Variants in RNASET2 observed in about 807,000 individuals in gnomAD.
RNASET2 encodes ribonuclease T2.
RNASET2 carries 28 observed loss-of-function variants against 33.9 expected under a neutral mutation model. That is an observed-to-expected ratio of 0.83 (90% CI 0.61 to 1.13). RNASET2 has a LOEUF of 1.13. Ranked by LOEUF, RNASET2 falls within the 50% of genes most tolerant of loss-of-function variation. The pLI is 0.00. For synonymous variants in RNASET2, 123 were observed against 121.0 expected (o/e 1.02, Z -0.11); for missense variants, 330 against 319.9 (o/e 1.03, Z -0.24).
chr6:166,930,588 C>T lies in RNASET2; in HGVS notation c.567+456G>A, dbSNP rs111210808. 6.7e-3 allele frequency among the ~76,000 whole-genome samples: 1,000 copies of T among 150,242 alleles called. 11 individuals carry two copies. The highest frequency in any genetic ancestry group is 0.024 in the African/African-American group (966 of 40,672). The stretch of plus-strand genomic sequence containing the variant: ...GAACATGCACACACATGCACACACA[C>T]AGCACATGCACACATGCATGTACAT... On this transcript the variant is annotated intron_variant, in intron 8 of 8. Coordinates refer to ENST00000508775, the MANE Select transcript of RNASET2 (RefSeq NM_003730.6).
intron 6 of RNASET2, chr6:166,938,596 G>A: frequency 1.5e-6 from 1 of 652,548 alleles, no homozygotes; most frequent in Non-Finnish European, 3.0e-6. Flanking sequence ...GGCTGAGAAC[G>A]GCACATGCTG....
intron 1 of RNASET2, chr6:166,955,624 C>CA (rs1193727653): frequency 8.0e-6 from 8 of 995,050 alleles, no homozygotes; most frequent in Non-Finnish European, 9.6e-6. Context: ...AGGCTGGGAG[C>CA]AGTCTGTGGG....
intron 7 of RNASET2, chr6:166,932,442 AG>A (rs1214474474): frequency 2.0e-5 from 3 of 151,498 alleles, no homozygotes; most frequent in African/African-American, 7.3e-5. Context: ...CATATCTCCC[AG>A]CCCCCAGCCC....
intron 3 of RNASET2, 83 bp downstream of exon 3, chr6:166,948,487 A>G (rs750685873): frequency 8.2e-6 from 7 of 857,308 alleles, no homozygotes. Context: ...AAAAACAAGA[A>G]TAAATATTAA....
At chr6:166,947,878 C>A (rs1253258927) in intron 3 of RNASET2, among the ~76,000 whole-genome samples, 2 of 152,098 alleles carry the variant, frequency 1.3e-5, no homozygotes, top group Non-Finnish European at 1.5e-5. Context: ...ATTAACTGAA[C>A]AAAACGCAGA....
chr6:166,951,454 G>A (rs758336385), intron 2 of RNASET2, among the ~76,000 whole-genome samples: 47 of 152,206 alleles, frequency 3.1e-4, no homozygotes, highest in South Asian at 2.1e-4. Flanking sequence ...GCTGAGTAAC[G>A]GGTGCCTTCC....
chr6:166,930,669 A>G (rs976586332), intron 8 of RNASET2, among the ~76,000 whole-genome samples: 1 of 151,504 alleles, frequency 6.6e-6, no homozygotes, highest in African/African-American at 2.4e-5. Flanking sequence ...GCACATGCGC[A>G]CATGTATACT....
Position 166,955,381 on chromosome 6 carries a change from G to GCA in RNASET2, c.86+714_86+715dup, listed in dbSNP as rs199506216. The GCA allele has an allele frequency of 5.3e-4, 134 of 250,644 alleles. 2 individuals carry two copies. In the East Asian group the frequency reaches 6.0e-3, roughly 11 times the overall value. 15.5% of individuals were successfully genotyped at this position (250,644 alleles called of 1,614,324 possible). On this transcript the variant is annotated intron_variant, in intron 1 of 8. Coordinates refer to ENST00000508775, the MANE Select transcript of RNASET2 (RefSeq NM_003730.6). ...CACACACGCACACACAAACGCACAC[G>GCA]CACACACACACACGCGCACACACAC...
At chr6:166,942,881 G>T in intron 5 of RNASET2, 138 bp downstream of exon 5, 1 of 710,324 alleles carries the variant, frequency 1.4e-6, no homozygotes, top group Admixed American at 2.2e-5. Flanking sequence ...TCTCATAAAA[G>T]GTTGTTCAAA....
chr6:166,930,554 TCACA>T (rs554668666), intron 8 of RNASET2, among the ~76,000 whole-genome samples: 13 of 140,108 alleles, frequency 9.3e-5, no homozygotes, highest in South Asian at 2.3e-4. Context: ...ACATGCATGT[TCACA>T]CAGAGAACAT....
At chr6:166,955,989 T>A in intron 1 of RNASET2, 108 bp downstream of exon 1, 2 of 1,137,344 alleles carry the variant, frequency 1.8e-6, no homozygotes, top group East Asian at 2.7e-5. Flanking sequence ...CCCCAGTCGC[T>A]GCCCGGGGCT....
intron 5 of RNASET2, among the ~76,000 whole-genome samples, chr6:166,941,185 T>TA (rs1778683332): frequency 6.6e-6 from 1 of 152,252 alleles, no homozygotes; most frequent in Non-Finnish European, 1.5e-5. Context: ...TTTAAGTGTG[T>TA]AATTCAACTA....
intron 1 of RNASET2, chr6:166,953,440 T>C (rs1779035553): frequency 6.6e-6 from 1 of 152,168 alleles, no homozygotes; most frequent in South Asian, 2.1e-4. Flanking sequence ...AAATCAAATT[T>C]TAGAAGGGAA....
In RNASET2 at chr6:166,943,147, T is replaced by C. The variant is rs1159471195; in HGVS notation, c.262-58A>G. ...GGTTCTTAATAATAAACTCAAAACC[T>C]AGAAGGTAAATTTGATAAACTGACA... is the stretch of plus-strand genomic sequence containing the variant. On this transcript the variant is annotated intron_variant, in intron 4 of 8. Coordinates refer to ENST00000508775, the MANE Select transcript of RNASET2 (RefSeq NM_003730.6). 3.1e-6 allele frequency: 4 copies of C among 1,297,890 alleles called. No homozygotes were observed. The African/African-American group carries it at 5.8e-5, about 19-fold the overall frequency. The allele number at this position is 1,297,890 out of a possible 1,614,324, so 80.4% of individuals were successfully genotyped here.
intron 3 of RNASET2, 137 bp downstream of exon 3, chr6:166,948,433 T>C (rs1778901251): frequency 2.8e-6 from 2 of 726,074 alleles, no homozygotes; most frequent in Non-Finnish European, 5.1e-6. Flanking sequence ...ACTAAAGATA[T>C]TTTTAAATAA....
rs934916857 is a variant in RNASET2, at chr6:166,929,608, G to A, written c.751C>T (p.Pro251Ser). ...GGGCATCAATGCTTGGTCTTTTTAG[G>A]TGGGGGATAGAAGACTGGGCCATCT... ...CEDGPVFYPP[P>S]KKTKH Residue 251 changes from proline to serine, a missense_variant, in exon 9 of 9, where the codon CCT becomes TCT. Coordinates refer to ENST00000508775, the MANE Select transcript of RNASET2 (RefSeq NM_003730.6). The A allele has an allele frequency of 1.2e-6, 2 of 1,614,102 alleles. No individual in the cohort carries two copies. The highest frequency in any genetic ancestry group is 1.7e-5 in the Admixed American group (1 of 60,004).
chr6:166,929,459 C>T lies in RNASET2; in HGVS notation c.*129G>A. ...TGCACTCACTCTACAGGGACCACAACATCCAATTCACAGGCATGGAGGGGA... is the reference window on the plus strand; with the variant it reads ...TGCACTCACTCTACAGGGACCACAATATCCAATTCACAGGCATGGAGGGGA... On this transcript the variant is annotated 3_prime_UTR_variant, in exon 9 of 9. Coordinates refer to ENST00000508775, the MANE Select transcript of RNASET2 (RefSeq NM_003730.6). The T allele has an allele frequency of 1.0e-6, 1 of 973,988 alleles. No homozygotes were observed. Among genetic ancestry groups the T allele is most frequent in the Non-Finnish European group, 1.6e-6 (1 of 613,720 alleles). The allele number at this position is 973,988 out of a possible 1,614,324, so 60.3% of individuals were successfully genotyped here. A position where few individuals can be genotyped will look rare whatever the true frequency, so the allele number is the denominator to read the frequency against.
At chr6:166,949,006 G>A (rs1408050704) in intron 2 of RNASET2, among the ~76,000 whole-genome samples, 3 of 152,064 alleles carry the variant, frequency 2.0e-5, no homozygotes, top group Non-Finnish European at 4.4e-5. Context: ...CCTGAGGTCA[G>A]GAGTTCCAGA....
chr6:166,928,318 C>T lies in RNASET2; in HGVS notation c.*1270G>A, dbSNP rs1310933777. On this transcript the variant is annotated 3_prime_UTR_variant, in exon 9 of 9. Transcript: ENST00000508775. Reference sequence around the variant, plus strand: ...CTGCCTGGTAAACCTTTGTCTCTCTCTGAACATTCTGCATTTCAGACTGTC... The same window carrying T: ...CTGCCTGGTAAACCTTTGTCTCTCTTTGAACATTCTGCATTTCAGACTGTC... Among the ~76,000 whole-genome samples the T allele has an allele frequency of 6.6e-6, 1 of 152,214 alleles. No individual in the cohort carries two copies. The highest frequency in any genetic ancestry group is 6.5e-5 in the Admixed American group (1 of 15,272).
Sources: allele counts gnomAD v4.1 joint callset (sites outside exome capture counted in the v4.1 genomes callset), GRCh38; gene constraint gnomAD v4.1.1; transcripts MANE v1.5; gene names NCBI Gene and HGNC (gene_info 2026-07-23, HGNC 2026-07-21).